Variants in RBM33 observed in about 807,000 individuals in gnomAD.
RBM33 encodes the protein RNA-binding protein 33.
A neutral mutation model predicts 132.6 loss-of-function variants in RBM33; 28 were observed. That is an observed-to-expected ratio of 0.21 (90% CI 0.16 to 0.29). RBM33 has a LOEUF of 0.29. Among genes scored for constraint, RBM33 ranks in the 10% least tolerant of loss-of-function variants. RBM33 has a pLI of 1.00. For synonymous variants in RBM33, 634 were observed against 593.0 expected, an observed-to-expected ratio of 1.07 and a Z score of -1.01; for missense variants, 1,291 against 1,518.5, an observed-to-expected ratio of 0.85 and a Z score of 2.49.
chr7:155,752,865 G>A (rs574157163), intron 14 of RBM33, among the ~76,000 whole-genome samples: 4 of 152,212 alleles, frequency 2.6e-5, no homozygotes, highest in South Asian at 2.1e-4. Context: ...ACACTGGTTC[G>A]TCCTTTCTTT....
chr7:155,753,454 G>A lies in RBM33; in HGVS notation c.2979+7852G>A, dbSNP rs561108908. 4.7e-4 allele frequency among the ~76,000 whole-genome samples: 71 copies of A among 152,298 alleles called. 1 individual carries two copies. Among genetic ancestry groups the A allele is most frequent in the Admixed American group, 3.4e-3 (52 of 15,300 alleles). On this transcript the variant is annotated intron_variant, in intron 14 of 17. Transcript: ENST00000401878. Reference sequence around the variant, plus strand: ...CACGTTTTTTAGCCTCTAAGGTCCCGGACAGGAGGATGCCGCTGTTCTGGT... The same window carrying A: ...CACGTTTTTTAGCCTCTAAGGTCCCAGACAGGAGGATGCCGCTGTTCTGGT...
intron 1 of RBM33, among the ~76,000 whole-genome samples, chr7:155,661,978 T>G (rs1409246967): frequency 6.6e-6 from 1 of 152,190 alleles, no homozygotes; most frequent in Non-Finnish European, 1.5e-5. Flanking sequence ...TTGTAGCAAC[T>G]CTGGGTGCTG....
chr7:155,742,229 C>A, intron 13 of RBM33, 123 bp downstream of exon 13: 2 of 692,830 alleles, frequency 2.9e-6, no homozygotes, highest in Non-Finnish European at 4.5e-6. Flanking sequence ...TCACCTGGGT[C>A]TTTTTTTTTT....
intron 14 of RBM33, among the ~76,000 whole-genome samples, chr7:155,755,886 G>A (rs921641060): frequency 2.0e-5 from 3 of 151,444 alleles, no homozygotes; most frequent in Non-Finnish European, 4.4e-5. Context: ...TTCAAATAGT[G>A]CCTTTTATAA....
intron 9 of RBM33, among the ~76,000 whole-genome samples, chr7:155,724,389 A>G (rs893409210): frequency 1.3e-5 from 2 of 152,118 alleles, no homozygotes; most frequent in Non-Finnish European, 2.9e-5. Context: ...TTAGTTGGGC[A>G]TGGTGGCGGG....
chr7:155,749,988 G>T (rs1322682663), intron 14 of RBM33, among the ~76,000 whole-genome samples: 1 of 152,218 alleles, frequency 6.6e-6, no homozygotes, highest in Non-Finnish European at 1.5e-5. Context: ...ATCAATTTCT[G>T]TGTACGTGAA....
chr7:155,714,949 G>T (rs1343571351), intron 8 of RBM33, among the ~76,000 whole-genome samples: 3 of 151,964 alleles, frequency 2.0e-5, no homozygotes, highest in Non-Finnish European at 4.4e-5. Context: ...CCTCTTGACA[G>T]TGTCTGCGGG....
intron 3 of RBM33, among the ~76,000 whole-genome samples, 179 bp downstream of exon 3, chr7:155,673,094 G>T (rs908957511): frequency 2.0e-5 from 3 of 152,046 alleles, no homozygotes; most frequent in Non-Finnish European, 4.4e-5. Context: ...AAATTCTCTG[G>T]TAATTATAAC....
At chr7:155,750,200 A>G (rs572851019) in intron 14 of RBM33, among the ~76,000 whole-genome samples, 1 of 152,368 alleles carries the variant, frequency 6.6e-6, no homozygotes, top group African/African-American at 2.4e-5. Flanking sequence ...GAATATAGAA[A>G]TATTCTCCAT....
intron 5 of RBM33, among the ~76,000 whole-genome samples, chr7:155,688,065 ACAGTATGGCCATTTT>A: frequency 6.6e-6 from 1 of 152,206 alleles, no homozygotes; most frequent in South Asian, 2.1e-4. Flanking sequence ...ATTACCTTGG[ACAGTATGGCCATTTT>A]CACGATATTA....
intron 13 of RBM33, among the ~76,000 whole-genome samples, chr7:155,742,651 G>A (rs1801387768): frequency 2.0e-5 from 3 of 152,288 alleles, no homozygotes; most frequent in South Asian, 4.1e-4. Context: ...CAATTTTCTT[G>A]TTGGTCTTTT....
Position 155,738,236 on chromosome 7 carries a change from A to G in RBM33, c.1570A>G (p.Arg524Gly), listed in dbSNP as rs1801193126. ...GCAAGGACAGCAGCCAGTGTTCCCAAGAGAGCGGCCCGTACGACCAGCCTT... is the reference window on the plus strand; with the variant it reads ...GCAAGGACAGCAGCCAGTGTTCCCAGGAGAGCGGCCCGTACGACCAGCCTT... Reference protein sequence around the residue: ...NQQGQQPVFPRERPVRPALQP... With the variant: ...NQQGQQPVFPGERPVRPALQP... Residue 524 changes from arginine (R) to glycine (G), a missense_variant, in exon 11 of 18, where the codon AGA (arginine) becomes GGA (glycine). Around this residue, in one of 7 missense-constraint regions of RBM33, gnomAD observed 841 missense variants for 912.0 expected, o/e 0.92. Transcript: ENST00000401878. The G allele has an allele frequency of 6.2e-7, 1 of 1,613,986 alleles. No homozygotes were observed. The highest frequency in any genetic ancestry group is 1.3e-5 in the African/African-American group (1 of 75,038).
chr7:155,736,527 T>C (rs1026064705), intron 9 of RBM33, among the ~76,000 whole-genome samples: 11 of 152,354 alleles, frequency 7.2e-5, no homozygotes, highest in Admixed American at 4.6e-4. Context: ...AAAAAGGAAG[T>C]AATTTTAATT....
intron 3 of RBM33, among the ~76,000 whole-genome samples, chr7:155,673,940 G>GTTGTTTTTTTTTT: frequency 3.7e-5 from 2 of 54,214 alleles, no homozygotes; most frequent in African/African-American, 1.7e-4. Flanking sequence ...TTTAGGCTTA[G>GTTGTTTTTTTTTT]TTTTTTTTTT....
chr7:155,768,892 T>C (rs1047379670), intron 16 of RBM33, among the ~76,000 whole-genome samples: 2 of 152,196 alleles, frequency 1.3e-5, no homozygotes, highest in African/African-American at 4.8e-5. Context: ...GGATTACAGG[T>C]GTGAGCCACC....
chr7:155,763,352 A>C (rs1254122967), intron 14 of RBM33, among the ~76,000 whole-genome samples: 1 of 152,250 alleles, frequency 6.6e-6, no homozygotes, highest in Non-Finnish European at 1.5e-5. Flanking sequence ...AGTCGCAACC[A>C]GCAGGAGTTG....
At chr7:155,703,854 A>G (rs993038606) in intron 6 of RBM33, among the ~76,000 whole-genome samples, 3 of 152,224 alleles carry the variant, frequency 2.0e-5, no homozygotes, top group East Asian at 3.8e-4. Context: ...CTGTGTAGAA[A>G]TAATTATTTG....
intron 14 of RBM33, among the ~76,000 whole-genome samples, chr7:155,756,310 T>C (rs900290556): frequency 4.6e-5 from 7 of 152,224 alleles, no homozygotes; most frequent in African/African-American, 1.7e-4. Context: ...TATAGAAGAC[T>C]TATAAATAAA....
intron 16 of RBM33, among the ~76,000 whole-genome samples, chr7:155,767,590 G>A (rs1484237066): frequency 6.6e-6 from 1 of 152,202 alleles, no homozygotes; most frequent in Non-Finnish European, 1.5e-5. Context: ...TCCTAAAAAT[G>A]AATAGATGAA....
Sources: gnomAD v4.1 joint callset for allele counts (sites outside exome capture counted in the v4.1 genomes callset) on GRCh38, gnomAD v4.1.1 for gene constraint, gnomAD v4.1.1 regional missense constraint, MANE v1.5 for transcripts, NCBI Gene and HGNC (gene_info 2026-07-23, HGNC 2026-07-21) for gene names.